Variants in MUTYH observed in about 807,000 individuals in gnomAD.
MUTYH encodes the protein adenine DNA glycosylase.
MUTYH carries 64 observed loss-of-function variants against 72.9 expected under a neutral mutation model. That is an observed-to-expected ratio of 0.88 (90% CI 0.72 to 1.08). The LOEUF (loss-of-function observed/expected upper bound fraction) is 1.08, where lower values mean the gene tolerates loss of function less well. Among genes scored for constraint, MUTYH ranks in the 50% least tolerant of loss-of-function variants. The pLI, the probability that MUTYH is intolerant of heterozygous loss-of-function variation, is 0.00. For synonymous variants in MUTYH, 234 were observed against 263.1 expected (o/e 0.89, Z 1.07); for missense variants, 633 against 671.0 (o/e 0.94, Z 0.63).
At chr1:45,334,758 G>A (rs1645630029) in intron 1 of MUTYH, among the ~76,000 whole-genome samples, 1 of 152,218 alleles carries the variant, frequency 6.6e-6, no homozygotes, top group South Asian at 2.1e-4. Flanking sequence ...AGACTGTGAG[G>A]CCAGGGCTGG....
chr1:45,335,655 G>A (rs1217726758), intron 1 of MUTYH, among the ~76,000 whole-genome samples: 7 of 151,964 alleles, frequency 4.6e-5, no homozygotes, highest in African/African-American at 1.5e-4. Context: ...CCAGGAGTTC[G>A]AGACCAGCCT....
Position 45,330,443 on chromosome 1 carries a change from G to C in MUTYH, c.1434+73C>G, listed in dbSNP as rs3219495. The C allele has an allele frequency of 2.7e-6, 4 of 1,471,040 alleles. No individual in the cohort carries two copies. The South Asian group carries it at 3.6e-5, about 13-fold the overall frequency. 91.1% of individuals were successfully genotyped at this position (1,471,040 alleles called of 1,614,324 possible). A position where few individuals can be genotyped will look rare whatever the true frequency, so the allele number is the denominator to read the frequency against. On this transcript the variant is annotated intron_variant, in intron 15 of 15. Coordinates refer to ENST00000456914, the MANE Select transcript of MUTYH (RefSeq NM_001048174.2). ...GTGGAGAATGTTCACCCAGACATTC[G>C]TTAGTTAACTGACTAAAAACCTATG...
At chr1:45,338,649 A>G (rs1017649431) in intron 1 of MUTYH, 6 of 198,214 alleles carry the variant, frequency 3.0e-5, no homozygotes, top group African/African-American at 1.4e-4. Flanking sequence ...ACTGTACACA[A>G]TAGATACCTG....
Position 45,333,190 on chromosome 1 carries a change from A to G in MUTYH, c.305-20T>C, listed in dbSNP as rs987662524. 16 of 1,614,196 alleles carry G rather than the reference A, an allele frequency of 9.9e-6. No individual in the cohort carries two copies. Among genetic ancestry groups the G allele is most frequent in the Non-Finnish European group, 1.3e-5 (15 of 1,180,020 alleles). Reference sequence around the variant, plus strand: ...CCCACACTGGGGGAAAGGGGTTGGCATGAGGACACTGCTGACCTGCCCCTA... The same window carrying G: ...CCCACACTGGGGGAAAGGGGTTGGCGTGAGGACACTGCTGACCTGCCCCTA... On this transcript the variant is annotated intron_variant, in intron 4 of 15. Coordinates refer to ENST00000456914, the MANE Select transcript of MUTYH (RefSeq NM_001048174.2).
At position 45,330,529 on chromosome 1, in the gene MUTYH, G is replaced by A. The variant is rs774287215; in HGVS notation, c.1421C>T (p.Pro474Leu). The A allele has an allele frequency of 3.1e-6, 5 of 1,609,928 alleles. No individual in the cohort carries two copies. Among genetic ancestry groups the A allele is most frequent in the Non-Finnish European group, 3.4e-6 (4 of 1,177,956 alleles). The change falls in exon 15 of 16, where the codon CCA (proline) becomes CTA (leucine). Residue 474 changes from proline (P) to leucine (L), a missense_variant. By Grantham distance (98) the Pro-to-Leu change is moderately conservative. Transcript: ENST00000456914. ...KVFRVYQGQQ[P>L]GTCMGSKRSQ... ...TAGGAGACTTACCATACAGGTCCCT[G>A]GCTGTTGGCCCTGATACACACGGAA...
chr1:45,329,502 T>A, intron 15 of MUTYH, 65 bp from the exon 16 acceptor site: 1 of 1,591,190 alleles, frequency 6.3e-7, no homozygotes, highest in Non-Finnish European at 8.6e-7. Context: ...ATCCTCTCCT[T>A]GTCCTCTCTC....
chr1:45,338,744 G>GTT (rs11403361), intron 1 of MUTYH: 416 of 96,624 alleles, frequency 4.3e-3, no homozygotes, highest in East Asian at 0.018. Flanking sequence ...TTTTATTTTT[G>GTT]TTTTTTTTTT....
At position 45,331,854 on chromosome 1, in the gene MUTYH, G is replaced by T; in HGVS notation, c.914-5C>A. On this transcript the variant is annotated splice_polypyrimidine_tract_variant and splice_region_variant and intron_variant, in intron 11 of 15. Transcript: ENST00000456914. ...GGCACTGTCCAGTGTTGGGAGCTGGGAACGGAGATCCCCGAACCCTACTCA... is the reference window on the plus strand; with the variant it reads ...GGCACTGTCCAGTGTTGGGAGCTGGTAACGGAGATCCCCGAACCCTACTCA... 6.2e-7 allele frequency: 1 copy of T among 1,600,572 alleles called. No homozygotes were observed. Among genetic ancestry groups the T allele is most frequent in the Non-Finnish European group, 8.5e-7 (1 of 1,173,394 alleles).
At chr1:45,338,327 A>T (rs1347666593) in intron 1 of MUTYH, 6 of 524,242 alleles carry the variant, frequency 1.1e-5, no homozygotes, top group African/African-American at 1.9e-5. Flanking sequence ...GACTGAATTT[A>T]GTTGCTTAAA....
In MUTYH at chr1:45,331,428, G is replaced by A; in HGVS notation, c.1231C>T (p.Leu411Phe). The change falls in exon 13 of 16, where the codon CTT becomes TTT. Residue 411 changes from leucine (L) to phenylalanine (F), a missense_variant. Coordinates refer to ENST00000456914, the MANE Select transcript of MUTYH (RefSeq NM_001048174.2). ...GPLPATHLRH[L>F]GEVVHTFSHI... Reference sequence around the variant, plus strand: ...TTCCGCTGCTCACTTACCTCCCCAAGGTGCCGGAGGTGCGTGGCTGGGAGG... The same window carrying A: ...TTCCGCTGCTCACTTACCTCCCCAAAGTGCCGGAGGTGCGTGGCTGGGAGG... 1 of 1,614,270 alleles carries A rather than the reference G, an allele frequency of 6.2e-7. No homozygotes were observed. Among genetic ancestry groups the A allele is most frequent in the Non-Finnish European group, 8.5e-7 (1 of 1,180,052 alleles).
rs752360850 is a variant in MUTYH, at chr1:45,332,474, C to T, written c.621G>A (p.Val207=). Reference sequence around the variant, plus strand: ...ACAGCACCCGTGCTACGTTGCCATCCACCACACCGGTTGCCTGGCACAGAG... The same window carrying T: ...ACAGCACCCGTGCTACGTTGCCATCTACCACACCGGTTGCCTGGCACAGAG... ...SIAFGQATGV[V]DGNVARVLCR... is the part of the protein sequence containing the mutation. Residue 207 remains valine, a synonymous_variant, in exon 9 of 16, where the codon GTG becomes GTA. Coordinates refer to ENST00000456914, the MANE Select transcript of MUTYH (RefSeq NM_001048174.2). 7.4e-6 allele frequency: 12 copies of T among 1,614,124 alleles called. No homozygotes were observed. The South Asian group carries it at 1.3e-4, about 18-fold the overall frequency.
At chr1:45,331,141 G>A (rs1644751048) in intron 14 of MUTYH, 41 bp downstream of exon 14, 3 of 1,612,110 alleles carry the variant, frequency 1.9e-6, no homozygotes, top group Non-Finnish European at 2.5e-6. Flanking sequence ...AGAACATGTA[G>A]GAAACACAAG....
rs753645881 is a variant in MUTYH, at chr1:45,330,598, CAA to C, written c.1393-43_1393-42del. 6 of 1,582,818 alleles carry C rather than the reference CAA, an allele frequency of 3.8e-6. No individual in the cohort carries two copies. The African/African-American group carries it at 4.0e-5, about 11-fold the overall frequency. On this transcript the variant is annotated intron_variant, in intron 14 of 15. Transcript: ENST00000456914. ...GGGAGGTGAGGGCTGGCACTTTTTG[CAA>C]AAGAGATAAACCGGTGTTCTGCCCT...
chr1:45,334,165 C>T (rs916680054), intron 2 of MUTYH: 79 of 521,616 alleles, frequency 1.5e-4, no homozygotes, highest in Non-Finnish European at 5.9e-5. Flanking sequence ...CACCACCACG[C>T]GAGCATAGAG....
rs751527565 is a variant in MUTYH, at chr1:45,332,842, TAGGATC to T, written c.421-14_421-9del. ...CCAGAGTTGATTCACCTCCTGTGGGTAGGATCAGAGGTCAAAGAGATCACCCGTCAG... is the reference window on the plus strand; with the variant it reads ...CCAGAGTTGATTCACCTCCTGTGGGTAGAGGTCAAAGAGATCACCCGTCAG... On this transcript the variant is annotated splice_polypyrimidine_tract_variant and intron_variant, in intron 6 of 15. Coordinates refer to ENST00000456914, the MANE Select transcript of MUTYH (RefSeq NM_001048174.2). 6.2e-7 allele frequency: 1 copy of T among 1,614,114 alleles called. No homozygotes were observed. The highest frequency in any genetic ancestry group is 1.1e-5 in the South Asian group (1 of 91,082).
intron 1 of MUTYH, chr1:45,338,524 T>C (rs1348802172): frequency 2.9e-6 from 1 of 343,102 alleles, no homozygotes; most frequent in African/African-American, 2.1e-5. Flanking sequence ...AATTTTACAT[T>C]ACTTTGATTC....
chr1:45,331,156 T>C, intron 14 of MUTYH, 26 bp downstream of exon 14: 1 of 1,613,886 alleles, frequency 6.2e-7, no homozygotes, highest in Non-Finnish European at 8.5e-7. Flanking sequence ...CACAAGGAAG[T>C]ACAACAAAGA....
chr1:45,335,403 C>G (rs543889503), intron 1 of MUTYH, among the ~76,000 whole-genome samples: 2 of 152,178 alleles, frequency 1.3e-5, no homozygotes, highest in East Asian at 3.9e-4. Flanking sequence ...ACTCTCCCCC[C>G]AAACCTTTGA....
At chr1:45,331,602 T>G (rs2149123403) in intron 12 of MUTYH, 46 bp from the exon 13 acceptor site, 1 of 1,613,364 alleles carries the variant, frequency 6.2e-7, no homozygotes, top group Non-Finnish European at 8.5e-7. Context: ...CAGCTGCCGA[T>G]TCCCTCCATT....
Sources: allele counts gnomAD v4.1 joint callset (sites outside exome capture counted in the v4.1 genomes callset), GRCh38; gene constraint gnomAD v4.1.1; transcripts MANE v1.5; gene names NCBI Gene and HGNC (gene_info 2026-07-23, HGNC 2026-07-21).